Variants in ATXN10 observed in about 807,000 individuals in gnomAD.
ATXN10 encodes the protein ataxin-10.
In ATXN10, 28 loss-of-function variants were observed where a neutral mutation model predicts 52.9. The ratio of observed to expected loss-of-function variants is 0.53; its 90% CI spans 0.39 to 0.73. The LOEUF (loss-of-function observed/expected upper bound fraction) is 0.73. Ranked by LOEUF, ATXN10 falls within the 30% of genes least tolerant of loss-of-function variation. The pLI, the probability that ATXN10 is intolerant of heterozygous loss-of-function variation, is 0.00. For missense variants in ATXN10, 565 were observed against 577.0 expected, an observed-to-expected ratio of 0.98 and a Z score of 0.21; for synonymous variants, 226 against 221.5, an observed-to-expected ratio of 1.02 and a Z score of -0.18.
intron 10 of ATXN10, among the ~76,000 whole-genome samples, chr22:45,836,291 T>C (rs974442242): frequency 2.6e-5 from 4 of 152,246 alleles, no homozygotes; most frequent in African/African-American, 7.2e-5. Flanking sequence ...AAGTGAACTT[T>C]AGAAAGCAAT....
In ATXN10 at chr22:45,795,405, A is replaced by ATTCTT. The variant is rs1927688318; in HGVS notation, c.1174-11550_1174-11549insTTTCT. Among the ~76,000 whole-genome samples the ATTCTT allele has an allele frequency of 6.7e-6, 1 of 148,970 alleles. No individual in the cohort carries two copies. Among genetic ancestry groups the ATTCTT allele is most frequent in the South Asian group, 2.1e-4 (1 of 4,740 alleles). On this transcript the variant is annotated intron_variant, in intron 9 of 11. Transcript: ENST00000252934. This position sits in a 1 kb window ranked among gnomAD's most constrained non-coding sequence, Gnocchi z 4.6. ...ATTCTATTCTATTCTATTCTATTCT[A>ATTCTT]TTCTATTCTATTCTATTCTTTTTGA... is the stretch of plus-strand genomic sequence containing the variant.
intron 10 of ATXN10, among the ~76,000 whole-genome samples, chr22:45,827,102 G>A (rs540423928): frequency 1.3e-5 from 2 of 148,868 alleles, no homozygotes; most frequent in South Asian, 2.2e-4. Context: ...TATAACTTTC[G>A]AATGTTAAAT....
chr22:45,749,072 G>A (rs190994183), intron 9 of ATXN10, among the ~76,000 whole-genome samples: 2 of 152,274 alleles, frequency 1.3e-5, no homozygotes, highest in Admixed American at 1.3e-4. Flanking sequence ...CAATGTAACA[G>A]CGTACTATTG....
intron 10 of ATXN10, among the ~76,000 whole-genome samples, chr22:45,810,372 C>G (rs572316553): frequency 2.4e-4 from 36 of 152,286 alleles, no homozygotes; most frequent in Non-Finnish European, 3.8e-4. Context: ...TCTTTTGTAA[C>G]AGTGTTAGGA....
At chr22:45,834,355 G>T (rs916967665) in intron 10 of ATXN10, among the ~76,000 whole-genome samples, 2 of 152,122 alleles carry the variant, frequency 1.3e-5, no homozygotes, top group Non-Finnish European at 2.9e-5. Flanking sequence ...TTTCTACTGG[G>T]TTTCCATTGA....
rs1313741172 is a variant in ATXN10, at chr22:45,837,861, A to AG, written c.1238-5130_1238-5129insG. On this transcript the variant is annotated intron_variant, in intron 10 of 11. Coordinates refer to ENST00000252934, the MANE Select transcript of ATXN10 (RefSeq NM_013236.4). The surrounding 1 kb of genome is among the most constrained non-coding windows in gnomAD (Gnocchi z 5.8). ...TTTTTTCCAATCATCTAAATATATTAAAACTGTTTTTAGTTTGCTGTCATA... is the reference window on the plus strand; with the variant it reads ...TTTTTTCCAATCATCTAAATATATTAGAAACTGTTTTTAGTTTGCTGTCATA... Among the ~76,000 whole-genome samples, 1 of 152,228 alleles carries AG rather than the reference A, an allele frequency of 6.6e-6. No homozygotes were observed. The highest frequency in any genetic ancestry group is 1.5e-5 in the Non-Finnish European group (1 of 68,034).
rs1923065534 is a variant in ATXN10 at position 45,684,669 on chromosome 22, A to G, written c.117-5043A>G. 6.6e-6 allele frequency among the ~76,000 whole-genome samples: 1 copy of G among 151,940 alleles called. No homozygotes were observed. Among genetic ancestry groups the G allele is most frequent in the Non-Finnish European group, 1.5e-5 (1 of 67,998 alleles). ...TTGGCCATCAGAGCTGGAAATATTCACTCTCTGACCCTTTACAGAAAAAGT... is the reference window on the plus strand; with the variant it reads ...TTGGCCATCAGAGCTGGAAATATTCGCTCTCTGACCCTTTACAGAAAAAGT... On this transcript the variant is annotated intron_variant, in intron 1 of 11. Transcript: ENST00000252934. The surrounding 1 kb of genome is among the most constrained non-coding windows in gnomAD (Gnocchi z 4.1).
chr22:45,770,296 G>A lies in ATXN10; in HGVS notation c.1173+29758G>A, dbSNP rs572586251. 5.3e-5 allele frequency among the ~76,000 whole-genome samples: 8 copies of A among 152,282 alleles called. No individual in the cohort carries two copies. Among genetic ancestry groups the A allele is most frequent in the East Asian group, 3.9e-4 (2 of 5,188 alleles). Reference sequence around the variant, plus strand: ...GCATCCCAATAACGAGATACGAAATGAATTCTTTGGTCATAGTGAGAATTT... The same window carrying A: ...GCATCCCAATAACGAGATACGAAATAAATTCTTTGGTCATAGTGAGAATTT... On this transcript the variant is annotated intron_variant, in intron 9 of 11. Coordinates refer to ENST00000252934, the MANE Select transcript of ATXN10 (RefSeq NM_013236.4). This position sits in a 1 kb window ranked among gnomAD's most constrained non-coding sequence, Gnocchi z 4.5.
intron 9 of ATXN10, among the ~76,000 whole-genome samples, chr22:45,791,047 T>TG (rs1172696826): frequency 2.0e-5 from 3 of 152,156 alleles, no homozygotes; most frequent in African/African-American, 4.8e-5. Context: ...TTTGTTGAGA[T>TG]GGGGTCTCTC....
rs1474657797 is a variant in ATXN10, at chr22:45,837,886, A to C, written c.1238-5105A>C. Among the ~76,000 whole-genome samples, 1 of 152,248 alleles carries C rather than the reference A, an allele frequency of 6.6e-6. No individual in the cohort carries two copies. Among genetic ancestry groups the C allele is most frequent in the African/African-American group, 2.4e-5 (1 of 41,468 alleles). On this transcript the variant is annotated intron_variant, in intron 10 of 11. Transcript: ENST00000252934. The surrounding 1 kb of genome is among the most constrained non-coding windows in gnomAD (Gnocchi z 5.8). ...AAAACTGTTTTTAGTTTGCTGTCAT[A>C]AAAAGCACAGGCCATCATTTGCTGA...
chr22:45,709,152 G>A (rs1253300819), intron 5 of ATXN10, among the ~76,000 whole-genome samples: 3 of 152,234 alleles, frequency 2.0e-5, no homozygotes, highest in Admixed American at 2.0e-4. Flanking sequence ...CCATCCTCTT[G>A]CAGTCTGAAT....
At chr22:45,723,390 A>T (rs1924738855) in intron 6 of ATXN10, among the ~76,000 whole-genome samples, 1 of 151,546 alleles carries the variant, frequency 6.6e-6, no homozygotes. Context: ...TTTTGGCTAC[A>T]TGGATGGGTT....
chr22:45,843,100 A>C lies in ATXN10; in HGVS notation c.1347A>C (p.Leu449=). The C allele has an allele frequency of 6.2e-7, 1 of 1,614,212 alleles. No individual in the cohort carries two copies. The highest frequency in any genetic ancestry group is 1.6e-4 in the Middle Eastern group (1 of 6,062). The change falls in exon 11 of 12, where the codon CTA becomes CTC. Residue 449 remains leucine, a synonymous_variant. Coordinates refer to ENST00000252934, the MANE Select transcript of ATXN10 (RefSeq NM_013236.4). The surrounding 1 kb of genome is among the most constrained non-coding windows in gnomAD (Gnocchi z 4.5). ...AACAGGGGCTGGCAGATGCATCCCT[A>C]CTTAAAAAAGTGGGTTTTGAAGTTG... is the stretch of plus-strand genomic sequence containing the variant. The part of the protein sequence containing the change: ...MEEQGLADAS[L]LKKVGFEVEK...
At chr22:45,698,452 A>G (rs746786272) in intron 3 of ATXN10, among the ~76,000 whole-genome samples, 19 of 152,126 alleles carry the variant, frequency 1.2e-4, no homozygotes, top group Non-Finnish European at 1.9e-4. Flanking sequence ...CCAGTTTTCA[A>G]TTGGGCTGTT....
At chr22:45,767,436 T>TACACAC (rs67341464) in intron 9 of ATXN10, among the ~76,000 whole-genome samples, 1 of 149,738 alleles carries the variant, frequency 6.7e-6, no homozygotes, top group Non-Finnish European at 1.5e-5. Flanking sequence ...TAAATATACA[T>TACACAC]ACACACACAC....
At position 45,824,868 on chromosome 22, in the gene ATXN10, C is replaced by G. The variant is rs1928767067; in HGVS notation, c.1237+17846C>G. On this transcript the variant is annotated intron_variant, in intron 10 of 11. Coordinates refer to ENST00000252934, the MANE Select transcript of ATXN10 (RefSeq NM_013236.4). This position sits in a 1 kb window ranked among gnomAD's most constrained non-coding sequence, Gnocchi z 5.2. Reference sequence around the variant, plus strand: ...GTGTGGGAGAGGGTTCAGGGAAATTCATGGGTAGGAGGTCCCAGGAATCTC... The same window carrying G: ...GTGTGGGAGAGGGTTCAGGGAAATTGATGGGTAGGAGGTCCCAGGAATCTC... Among the ~76,000 whole-genome samples the G allele has an allele frequency of 6.6e-6, 1 of 152,162 alleles. No individual in the cohort carries two copies.
intron 9 of ATXN10, among the ~76,000 whole-genome samples, chr22:45,748,674 T>A (rs1601621897): frequency 6.6e-6 from 1 of 152,346 alleles, no homozygotes; most frequent in South Asian, 2.1e-4. Flanking sequence ...TTTTTCCTCT[T>A]GTCAGAAGCA....
chr22:45,679,940 A>C (rs1569020351), intron 1 of ATXN10: 1 of 152,188 alleles, frequency 6.6e-6, no homozygotes, highest in Non-Finnish European at 1.5e-5. Context: ...CAATCGAAAT[A>C]AATAAGGTTA....
In ATXN10 at chr22:45,844,921, TAA is replaced by T. The variant is rs897418113; in HGVS notation, c.*1253_*1254del. The T allele has an allele frequency of 6.6e-6, 1 of 152,248 alleles. No homozygotes were observed. The highest frequency in any genetic ancestry group is 2.4e-5 in the African/African-American group (1 of 41,462). The allele number at this position is 152,248 out of a possible 1,614,324, so 9.4% of individuals were successfully genotyped here. A position where few individuals can be genotyped will look rare whatever the true frequency, so the allele number is the denominator to read the frequency against. On this transcript the variant is annotated 3_prime_UTR_variant, in exon 12 of 12. Coordinates refer to ENST00000252934, the MANE Select transcript of ATXN10 (RefSeq NM_013236.4). ...TAGCTTAAGCATGTTGAGAATGAAG[TAA>T]AAGTTTTCCCATGTGCTGTCTAATG...
Sources: allele counts gnomAD v4.1 joint callset (sites outside exome capture counted in the v4.1 genomes callset), GRCh38; gene constraint gnomAD v4.1.1; non-coding constraint Gnocchi (gnomAD v3.1); transcripts MANE v1.5; gene names NCBI Gene and HGNC (gene_info 2026-07-23, HGNC 2026-07-21).